Variants in RALGAPA2 observed in about 807,000 individuals in gnomAD.
RALGAPA2 encodes the protein ral GTPase-activating protein subunit alpha-2.
RALGAPA2 carries 139 observed loss-of-function variants against 230.4 expected under a neutral mutation model. That is an observed-to-expected ratio of 0.60 (90% CI 0.53 to 0.69). The LOEUF (loss-of-function observed/expected upper bound fraction) is 0.69. Ranked by LOEUF, RALGAPA2 falls within the 30% of genes least tolerant of loss-of-function variation. RALGAPA2 has a pLI of 0.00. For missense variants in RALGAPA2, 2,163 were observed against 2,276.0 expected (o/e 0.95, Z 1.01); for synonymous variants, 847 against 837.8 (o/e 1.01, Z -0.19).
intron 1 of RALGAPA2, among the ~76,000 whole-genome samples, chr20:20,709,139 T>C (rs951529722): frequency 1.3e-5 from 2 of 150,982 alleles, no homozygotes; most frequent in African/African-American, 2.4e-5. Context: ...GCCAACACGG[T>C]GAACCCCTGT....
chr20:20,427,273 G>A (rs2060404891), intron 37 of RALGAPA2, among the ~76,000 whole-genome samples: 1 of 152,146 alleles, frequency 6.6e-6, no homozygotes, highest in African/African-American at 2.4e-5. Flanking sequence ...GTTTTCTCCT[G>A]CAAATTAAAC....
intron 16 of RALGAPA2, among the ~76,000 whole-genome samples, chr20:20,593,881 G>C (rs1219249688): frequency 1.3e-5 from 2 of 152,230 alleles, no homozygotes; most frequent in Non-Finnish European, 2.9e-5. Flanking sequence ...CAGACGGACG[G>C]AGAGCCTGCC....
intron 1 of RALGAPA2, among the ~76,000 whole-genome samples, chr20:20,704,476 C>T (rs898753432): frequency 2.6e-5 from 4 of 152,200 alleles, no homozygotes; most frequent in African/African-American, 9.7e-5. Context: ...GTTCCTGCAA[C>T]TGAGCAGCTC....
At chr20:20,526,172 G>T in intron 28 of RALGAPA2, 80 bp downstream of exon 28, 4 of 1,081,072 alleles carry the variant, frequency 3.7e-6, no homozygotes, top group South Asian at 1.6e-5. Context: ...ACAATTATTT[G>T]AATATCTATA....
At chr20:20,405,619 G>T (rs899636760) in intron 38 of RALGAPA2, among the ~76,000 whole-genome samples, 1 of 152,210 alleles carries the variant, frequency 6.6e-6, no homozygotes. Flanking sequence ...AGCCTAAAGT[G>T]GTGCTAAACA....
rs1266219713 is a variant in RALGAPA2, at chr20:20,619,309, T to A, written c.1507A>T (p.Asn503Tyr). The A allele has an allele frequency of 6.2e-7, 1 of 1,610,656 alleles. No homozygotes were observed. Among genetic ancestry groups the A allele is most frequent in the Non-Finnish European group, 8.5e-7 (1 of 1,177,832 alleles). ...AAAGCCTGGACGCCGGCTTTCACAT[T>A]TGTATTTTCCTCCTCTGTCACACAC... is the stretch of plus-strand genomic sequence containing the variant. ...RGCVTEEENT[N>Y]VKAGVQALLQ... Residue 503 changes from asparagine (N) to tyrosine (Y), a missense_variant, in exon 12 of 40, where the codon AAT becomes TAT. Coordinates refer to ENST00000202677, the MANE Select transcript of RALGAPA2 (RefSeq NM_020343.4).
chr20:20,505,358 C>A, intron 34 of RALGAPA2, 53 bp downstream of exon 34: 1 of 1,485,728 alleles, frequency 6.7e-7, no homozygotes, highest in Non-Finnish European at 9.0e-7. Context: ...CTAGTTTGGA[C>A]ACATCTTTAA....
intron 32 of RALGAPA2, among the ~76,000 whole-genome samples, chr20:20,511,766 T>C (rs1224397887): frequency 6.6e-6 from 1 of 152,214 alleles, no homozygotes; most frequent in East Asian, 1.9e-4. Flanking sequence ...TGTCATTCTA[T>C]CCTTTATCAG....
chr20:20,530,854 C>T (rs1004196258), intron 27 of RALGAPA2, among the ~76,000 whole-genome samples: 1 of 152,190 alleles, frequency 6.6e-6, no homozygotes, highest in African/African-American at 2.4e-5. Context: ...AGAACTTCCA[C>T]AAAACCCTCA....
chr20:20,542,338 A>G (rs905505715), intron 24 of RALGAPA2, among the ~76,000 whole-genome samples: 2 of 152,220 alleles, frequency 1.3e-5, no homozygotes, highest in Non-Finnish European at 2.9e-5. Context: ...TACTGCCCAA[A>G]GTAATTTATA....
intron 35 of RALGAPA2, among the ~76,000 whole-genome samples, chr20:20,495,747 A>G (rs1168193310): frequency 3.3e-5 from 5 of 152,250 alleles, no homozygotes; most frequent in Admixed American, 2.0e-4. Flanking sequence ...TACCAAATGT[A>G]TAAGAAACTA....
At chr20:20,419,776 G>A (rs940488863) in intron 37 of RALGAPA2, among the ~76,000 whole-genome samples, 2 of 152,196 alleles carry the variant, frequency 1.3e-5, no homozygotes, top group African/African-American at 4.8e-5. Context: ...TCTGCTCAGA[G>A]AACTGGATCT....
At chr20:20,628,391 A>C (rs2066559747) in intron 10 of RALGAPA2, among the ~76,000 whole-genome samples, 1 of 152,156 alleles carries the variant, frequency 6.6e-6, no homozygotes, top group Admixed American at 6.5e-5. Context: ...CAAAACAACT[A>C]TTCCACCTCA....
At chr20:20,430,607 T>C (rs1322647442) in intron 37 of RALGAPA2, among the ~76,000 whole-genome samples, 1 of 152,264 alleles carries the variant, frequency 6.6e-6, no homozygotes, top group Non-Finnish European at 1.5e-5. Context: ...ATTTACTTTG[T>C]AGACTGATGT....
At chr20:20,707,407 A>G (rs2069648998) in intron 1 of RALGAPA2, among the ~76,000 whole-genome samples, 2 of 152,150 alleles carry the variant, frequency 1.3e-5, no homozygotes, top group Non-Finnish European at 2.9e-5. Flanking sequence ...GGAAGAAAAA[A>G]AAGGAAAGAA....
chr20:20,700,435 AC>A (rs2069306805), intron 1 of RALGAPA2, among the ~76,000 whole-genome samples: 2 of 152,046 alleles, frequency 1.3e-5, no homozygotes, highest in African/African-American at 2.4e-5. Context: ...CTGCACATGT[AC>A]CCCCTGTACC....
chr20:20,458,074 C>A (rs981998570), intron 37 of RALGAPA2, among the ~76,000 whole-genome samples: 6 of 152,108 alleles, frequency 3.9e-5, no homozygotes, highest in Non-Finnish European at 5.9e-5. Flanking sequence ...GGGGAGGAGG[C>A]CACGGTCAGC....
At chr20:20,576,341 T>C (rs548342277) in intron 20 of RALGAPA2, among the ~76,000 whole-genome samples, 1 of 152,138 alleles carries the variant, frequency 6.6e-6, no homozygotes, top group Non-Finnish European at 1.5e-5. Context: ...ACATAACAAA[T>C]AGCTGTCATG....
At chr20:20,555,067 G>A (rs914384709) in intron 23 of RALGAPA2, among the ~76,000 whole-genome samples, 3 of 152,122 alleles carry the variant, frequency 2.0e-5, no homozygotes, top group Non-Finnish European at 2.9e-5. Flanking sequence ...CTCATATTTA[G>A]GACACAGAAC....
Sources: allele counts gnomAD v4.1 joint callset (sites outside exome capture counted in the v4.1 genomes callset), GRCh38; gene constraint gnomAD v4.1.1; transcripts MANE v1.5; gene names NCBI Gene and HGNC (gene_info 2026-07-23, HGNC 2026-07-21).